EPHB1: variants seen among roughly 807,000 people sequenced by gnomAD.
EPHB1 encodes the protein EPH receptor B1, also known as ephrin type-B receptor 1.
EPHB1 carries 30 observed loss-of-function variants against 94.4 expected under a neutral mutation model. The ratio of observed to expected loss-of-function variants is 0.32; its 90% CI spans 0.24 to 0.43. The LOEUF is 0.43. Ranked by LOEUF, EPHB1 falls within the 20% of genes least tolerant of loss-of-function variation. The probability of loss-of-function intolerance (pLI) is 1.00; values close to 1 mark genes in which losing one functional copy is unlikely to be tolerated. For synonymous variants in EPHB1, 522 were observed against 489.1 expected (o/e 1.07, Z -0.89); for missense variants, 1,055 against 1,308.3 (o/e 0.81, Z 2.99).
At chr3:135,078,589 T>C (rs1363594501) in intron 3 of EPHB1, among the ~76,000 whole-genome samples, 1 of 152,238 alleles carries the variant, frequency 6.6e-6, no homozygotes, top group Admixed American at 6.5e-5. Flanking sequence ...GTAAGACCTA[T>C]GTGCTGATGG....
At chr3:134,961,906 A>C (rs1933534826) in intron 3 of EPHB1, among the ~76,000 whole-genome samples, 1 of 152,268 alleles carries the variant, frequency 6.6e-6, no homozygotes, top group East Asian at 1.9e-4. Flanking sequence ...TCTGTGAGAA[A>C]AATTAATTTA....
At chr3:135,014,340 C>A (rs1315267404) in intron 3 of EPHB1, among the ~76,000 whole-genome samples, 2 of 152,142 alleles carry the variant, frequency 1.3e-5, no homozygotes, top group African/African-American at 4.8e-5. Flanking sequence ...ATGGCCCAGC[C>A]CGACTTGATT....
chr3:134,912,001 G>A (rs914735598), intron 1 of EPHB1, among the ~76,000 whole-genome samples: 4 of 152,210 alleles, frequency 2.6e-5, no homozygotes, highest in Admixed American at 1.3e-4. Flanking sequence ...AGGACTGAGG[G>A]CCCAGGAGGG....
chr3:135,073,336 AG>A (rs1279550638), intron 3 of EPHB1, among the ~76,000 whole-genome samples: 1 of 152,218 alleles, frequency 6.6e-6, no homozygotes, highest in African/African-American at 2.4e-5. Flanking sequence ...AGTTCACAAA[AG>A]TATTTTTAAC....
chr3:135,105,276 G>T (rs899063667), intron 3 of EPHB1, among the ~76,000 whole-genome samples: 1 of 152,172 alleles, frequency 6.6e-6, no homozygotes, highest in Non-Finnish European at 1.5e-5. Context: ...CTCCTTGAAG[G>T]CAGGCTCTAT....
At chr3:134,886,062 CTCA>C (rs1168569461) in intron 1 of EPHB1, among the ~76,000 whole-genome samples, 1 of 152,150 alleles carries the variant, frequency 6.6e-6, no homozygotes. Context: ...AAGGTGGTGA[CTCA>C]GCAGCAGTTA....
At chr3:134,838,803 A>G (rs766611669) in intron 1 of EPHB1, among the ~76,000 whole-genome samples, 2 of 152,232 alleles carry the variant, frequency 1.3e-5, no homozygotes, top group Non-Finnish European at 2.9e-5. Context: ...ACCTGGTGGC[A>G]GTGTACCCTA....
chr3:135,031,423 C>A lies in EPHB1; in HGVS notation c.806-75025C>A, dbSNP rs147299133. ...CTCCTGGGCTCAAATAATCCTCCTG[C>A]CTCAGCATCCAGCGTAGCTGTGACT... On this transcript the variant is annotated intron_variant, in intron 3 of 15. Coordinates refer to ENST00000398015, the MANE Select transcript of EPHB1 (RefSeq NM_004441.5). Among the ~76,000 whole-genome samples the A allele has an allele frequency of 2.6e-5, 4 of 152,286 alleles. No homozygotes were observed. The East Asian group carries it at 7.7e-4, about 29-fold the overall frequency.
At chr3:134,842,961 A>G (rs2036803642) in intron 1 of EPHB1, among the ~76,000 whole-genome samples, 1 of 152,220 alleles carries the variant, frequency 6.6e-6, no homozygotes, top group South Asian at 2.1e-4. Flanking sequence ...TAGACTGTTC[A>G]TATATTTACC....
At chr3:135,053,618 A>G (rs1378998183) in intron 3 of EPHB1, among the ~76,000 whole-genome samples, 1 of 152,062 alleles carries the variant, frequency 6.6e-6, no homozygotes, top group African/African-American at 2.4e-5. Context: ...TTCTTGGGCA[A>G]TTGTTTCCTG....
At chr3:134,876,636 G>A (rs2037621776) in intron 1 of EPHB1, among the ~76,000 whole-genome samples, 1 of 152,162 alleles carries the variant, frequency 6.6e-6, no homozygotes, top group East Asian at 1.9e-4. Context: ...AAGGCTGCAG[G>A]GAGAGGCTCA....
chr3:134,976,114 C>T (rs1317433666), intron 3 of EPHB1, among the ~76,000 whole-genome samples: 1 of 151,998 alleles, frequency 6.6e-6, no homozygotes, highest in East Asian at 1.9e-4. Context: ...TTAGTTGTCA[C>T]CAGGTCAGAT....
chr3:134,995,879 A>G (rs1207918375), intron 3 of EPHB1, among the ~76,000 whole-genome samples: 5 of 152,368 alleles, frequency 3.3e-5, no homozygotes, highest in African/African-American at 1.2e-4. Flanking sequence ...AATAAACATA[A>G]AGAAACTATC....
At chr3:135,098,136 A>G (rs1037781668) in intron 3 of EPHB1, among the ~76,000 whole-genome samples, 1 of 152,184 alleles carries the variant, frequency 6.6e-6, no homozygotes, top group African/African-American at 2.4e-5. Flanking sequence ...CTGACCTGCT[A>G]TGCTCAGCTC....
At chr3:135,088,647 G>A (rs970649320) in intron 3 of EPHB1, among the ~76,000 whole-genome samples, 1 of 152,094 alleles carries the variant, frequency 6.6e-6, no homozygotes, top group African/African-American at 2.4e-5. Flanking sequence ...TTTTCAGCCA[G>A]CAAAAATGAG....
intron 3 of EPHB1, among the ~76,000 whole-genome samples, chr3:134,986,303 C>A (rs920238514): frequency 6.6e-6 from 1 of 152,074 alleles, no homozygotes; most frequent in Non-Finnish European, 1.5e-5. Context: ...AAGGGTGGGC[C>A]AAGTAGGGGT....
At chr3:135,235,734 T>C (rs1307498813) in intron 12 of EPHB1, among the ~76,000 whole-genome samples, 1 of 152,200 alleles carries the variant, frequency 6.6e-6, no homozygotes, top group Admixed American at 6.5e-5. Context: ...TGTTGTGCAT[T>C]TACCTAGGCC....
In EPHB1 at chr3:135,060,367, C is replaced by G. The variant is rs146526672; in HGVS notation, c.806-46081C>G. On this transcript the variant is annotated intron_variant, in intron 3 of 15. Transcript: ENST00000398015. ...GCATGTGTCAGTACTTTATTCCTTT[C>G]TGTGACTGAATAATATTTGATTGTA... 2.3e-3 allele frequency among the ~76,000 whole-genome samples: 349 copies of G among 152,328 alleles called. 1 individual carries two copies. The highest frequency in any genetic ancestry group is 7.9e-3 in the African/African-American group (329 of 41,578).
intron 2 of EPHB1, among the ~76,000 whole-genome samples, chr3:134,933,534 C>T (rs747148854): frequency 2.0e-5 from 3 of 152,066 alleles, no homozygotes; most frequent in South Asian, 2.1e-4. Flanking sequence ...GGAAAGATGA[C>T]TAGATGCTAG....
Sources: allele counts gnomAD v4.1 joint callset (sites outside exome capture counted in the v4.1 genomes callset), GRCh38; gene constraint gnomAD v4.1.1; transcripts MANE v1.5; gene names NCBI Gene and HGNC (gene_info 2026-07-23, HGNC 2026-07-21).